Variants in RIMS2 observed in about 807,000 individuals in gnomAD.
RIMS2 encodes the protein regulating synaptic membrane exocytosis protein 2.
A neutral mutation model predicts 174.4 loss-of-function variants in RIMS2; 59 were observed. That is an observed-to-expected ratio of 0.34 (90% CI 0.27 to 0.42). The LOEUF (loss-of-function observed/expected upper bound fraction) is 0.42, where lower values mean the gene tolerates loss of function less well. Ranked by LOEUF, RIMS2 falls within the 10% of genes least tolerant of loss-of-function variation. The probability of loss-of-function intolerance (pLI) is 1.00; values close to 1 mark genes in which losing one functional copy is unlikely to be tolerated. For missense variants in RIMS2, 1,620 were observed against 1,666.3 expected, an observed-to-expected ratio of 0.97 and a Z score of 0.48; for synonymous variants, 606 against 572.5, an observed-to-expected ratio of 1.06 and a Z score of -0.84.
intron 1 of RIMS2, among the ~76,000 whole-genome samples, chr8:103,576,913 CA>C (rs1205075011): frequency 1.3e-5 from 2 of 152,238 alleles, no homozygotes; most frequent in African/African-American, 4.8e-5. Flanking sequence ...ACACCTTATA[CA>C]AAAATTAACT....
intron 2 of RIMS2, among the ~76,000 whole-genome samples, chr8:103,763,089 G>A (rs186354787): frequency 9.3e-4 from 141 of 152,124 alleles, no homozygotes; most frequent in African/African-American, 3.2e-3. Context: ...TAATCCAAGA[G>A]TAGGAGGAGA....
intron 9 of RIMS2, among the ~76,000 whole-genome samples, 197 bp from the exon 13 acceptor site, chr8:103,921,475 G>C (rs911015351): frequency 3.3e-5 from 5 of 152,136 alleles, no homozygotes; most frequent in Admixed American, 3.3e-4. Flanking sequence ...TTAGTCTTAA[G>C]AGAATCCCTA....
At chr8:103,554,547 A>G (rs1849555844) in intron 1 of RIMS2, among the ~76,000 whole-genome samples, 1 of 152,212 alleles carries the variant, frequency 6.6e-6, no homozygotes, top group Admixed American at 6.5e-5. Flanking sequence ...GATGCTGGTT[A>G]GGTTGTGTAG....
chr8:104,062,047 C>T (rs1371338401), intron 19 of RIMS2, among the ~76,000 whole-genome samples: 1 of 151,754 alleles, frequency 6.6e-6, no homozygotes, highest in Non-Finnish European at 1.5e-5. Context: ...ATATACAATG[C>T]CAATAAGTTA....
chr8:103,729,563 A>G (rs939149623), intron 2 of RIMS2, among the ~76,000 whole-genome samples: 2 of 150,970 alleles, frequency 1.3e-5, no homozygotes, highest in Non-Finnish European at 3.0e-5. Context: ...TTTTATTTTC[A>G]TTTATTTCTG....
At chr8:103,548,125 C>T (rs1490161315) in intron 1 of RIMS2, among the ~76,000 whole-genome samples, 1 of 152,102 alleles carries the variant, frequency 6.6e-6, no homozygotes, top group African/African-American at 2.4e-5. Flanking sequence ...TATTCCAAAA[C>T]AACTGAGGAG....
At chr8:103,622,801 C>T (rs2095666930) in intron 1 of RIMS2, among the ~76,000 whole-genome samples, 1 of 152,194 alleles carries the variant, frequency 6.6e-6, no homozygotes, top group Admixed American at 6.5e-5. Context: ...GGAAACTGAT[C>T]TAGTCACTCG....
At chr8:103,646,833 C>T (rs1018825687) in intron 1 of RIMS2, among the ~76,000 whole-genome samples, 1 of 152,056 alleles carries the variant, frequency 6.6e-6, no homozygotes, top group South Asian at 2.1e-4. Flanking sequence ...ATTTTTTTCT[C>T]TTGCCTGACT....
At chr8:104,198,067 A>G (rs1266697486) in intron 19 of RIMS2, among the ~76,000 whole-genome samples, 1 of 152,178 alleles carries the variant, frequency 6.6e-6, no homozygotes, top group African/African-American at 2.4e-5. Context: ...AAGCCTTTTT[A>G]TGGTTCAAAA....
chr8:104,240,984 A>G (rs1296004528), intron 19 of RIMS2, among the ~76,000 whole-genome samples: 1 of 152,094 alleles, frequency 6.6e-6, no homozygotes, highest in East Asian at 1.9e-4. Flanking sequence ...GAGGAAACTG[A>G]GTCACAGAGA....
intron 1 of RIMS2, among the ~76,000 whole-genome samples, chr8:103,654,487 C>A (rs944626602): frequency 6.6e-6 from 1 of 151,980 alleles, no homozygotes; most frequent in East Asian, 1.9e-4. Context: ...TTCATTCTTG[C>A]TCTGTGATTT....
intron 19 of RIMS2, among the ~76,000 whole-genome samples, chr8:104,073,259 T>C (rs904815980): frequency 6.6e-6 from 1 of 152,198 alleles, no homozygotes; most frequent in Non-Finnish European, 1.5e-5. Context: ...GATTTGATAA[T>C]GCTTATTTAA....
chr8:104,078,850 A>G (rs1432398259), intron 19 of RIMS2, among the ~76,000 whole-genome samples: 1 of 152,150 alleles, frequency 6.6e-6, no homozygotes, highest in Non-Finnish European at 1.5e-5. Flanking sequence ...ATCCTAAGAG[A>G]TAAAATATTT....
chr8:103,539,647 A>G (rs1315768667), intron 1 of RIMS2, among the ~76,000 whole-genome samples: 1 of 152,222 alleles, frequency 6.6e-6, no homozygotes, highest in East Asian at 1.9e-4. Context: ...CAAGGCAACC[A>G]ACAGTCATTC....
chr8:104,081,362 C>G (rs2097417362), intron 19 of RIMS2, among the ~76,000 whole-genome samples: 1 of 151,882 alleles, frequency 6.6e-6, no homozygotes, highest in Non-Finnish European at 1.5e-5. Flanking sequence ...TGTTTTTATT[C>G]AAGTTAGTTA....
intron 19 of RIMS2, among the ~76,000 whole-genome samples, chr8:104,203,715 T>G: frequency 6.6e-6 from 1 of 152,066 alleles, no homozygotes; most frequent in Middle Eastern, 3.4e-3. Flanking sequence ...TGTTGGCTAG[T>G]CTAGTGTCAA....
intron 17 of RIMS2, among the ~76,000 whole-genome samples, chr8:103,990,653 G>T (rs114375363): frequency 1.4e-3 from 217 of 152,006 alleles, no homozygotes; most frequent in African/African-American, 4.5e-3. Flanking sequence ...GAATGAAGAG[G>T]TATTTTAGTT....
chr8:104,201,222 A>G lies in RIMS2; in HGVS notation c.3335-43694A>G, dbSNP rs1381039731. Among the ~76,000 whole-genome samples, 6 of 152,122 alleles carry G rather than the reference A, an allele frequency of 3.9e-5. No individual in the cohort carries two copies. The East Asian group carries it at 1.2e-3, about 29-fold the overall frequency. On this transcript the variant is annotated intron_variant, in intron 19 of 23. Transcript: ENST00000504942. The stretch of plus-strand genomic sequence containing the variant: ...GCTGAGACAAAGTTTTAATCCTAAC[A>G]TAGGAAGTAATTTTTAAAACATAAT...
chr8:103,954,267 A>C (rs193020736), intron 14 of RIMS2, among the ~76,000 whole-genome samples: 1 of 152,324 alleles, frequency 6.6e-6, no homozygotes, highest in African/African-American at 2.4e-5. Context: ...AGACATCTAC[A>C]GAACTCTCCA....
Sources: allele counts gnomAD v4.1 joint callset (sites outside exome capture counted in the v4.1 genomes callset), GRCh38; gene constraint gnomAD v4.1.1; transcripts MANE v1.5; gene names NCBI Gene and HGNC (gene_info 2026-07-23, HGNC 2026-07-21).